The following CFAP97 variants were observed in gnomAD, a reference collection of about 807,000 sequenced individuals.
CFAP97 encodes cilia- and flagella-associated protein 97.
Under a neutral mutation model 43.1 loss-of-function variants are expected in CFAP97, and 36 were observed. The ratio of observed to expected loss-of-function variants is 0.84; its 90% CI spans 0.64 to 1.10. CFAP97 has a LOEUF of 1.10. Among genes scored for constraint, CFAP97 ranks in the 50% least tolerant of loss-of-function variants. CFAP97 has a pLI of 0.00. For synonymous variants in CFAP97, 228 were observed against 225.7 expected, an observed-to-expected ratio of 1.01 and a Z score of -0.09; for missense variants, 657 against 620.3, an observed-to-expected ratio of 1.06 and a Z score of -0.63.
intron 1 of CFAP97, among the ~76,000 whole-genome samples, chr4:185,191,552 C>T (rs1736255595): frequency 6.6e-6 from 1 of 152,132 alleles, no homozygotes. Context: ...AAGAAAAAGG[C>T]CGGGCGCGGT....
chr4:185,203,145 G>T (rs906752430), intron 1 of CFAP97, among the ~76,000 whole-genome samples: 5 of 151,672 alleles, frequency 3.3e-5, no homozygotes, highest in Non-Finnish European at 7.4e-5. Flanking sequence ...AGGCTGCAGT[G>T]AGACATGATC....
chr4:185,182,284 C>T (rs1735822672), intron 2 of CFAP97: 1 of 151,788 alleles, frequency 6.6e-6, no homozygotes, highest in South Asian at 2.1e-4. Context: ...TTTTAATGCC[C>T]TCTCTGCCTA....
In CFAP97 at chr4:185,162,590, T is replaced by A. The variant is rs1356913131; in HGVS notation, c.*208A>T. ...TTTCTCTATTAAGAACACATACATC[T>A]CATATAAATACATCCTCAGGAAACA... On this transcript the variant is annotated 3_prime_UTR_variant, in exon 5 of 5. Coordinates refer to ENST00000458385, the MANE Select transcript of CFAP97 (RefSeq NM_020827.3). 1.8e-6 allele frequency: 1 copy of A among 555,594 alleles called. No homozygotes were observed. The highest frequency in any genetic ancestry group is 1.9e-5 in the African/African-American group (1 of 51,752). The allele number at this position is 555,594 out of a possible 1,614,324, so 34.4% of individuals were successfully genotyped here.
At position 185,190,238 on chromosome 4, in the gene CFAP97, G is replaced by C; in HGVS notation, c.959C>G (p.Ser320Cys). ...GTCTAACACTGAAGACGACTTTGAG[G>C]AGACATCAGGCTCATGTTTTTCTTT... ...KGKEKHEPDV[S>C]SKSSSVLDSS... Residue 320 changes from serine (S) to cysteine (C), a missense_variant, in exon 2 of 5, where the codon TCC becomes TGC. Transcript: ENST00000458385. The C allele has an allele frequency of 1.9e-6, 3 of 1,613,600 alleles. No individual in the cohort carries two copies. Among genetic ancestry groups the C allele is most frequent in the Non-Finnish European group, 2.5e-6 (3 of 1,179,730 alleles).
In CFAP97 at chr4:185,190,742, G is replaced by C. The variant is rs61735028; in HGVS notation, c.455C>G (p.Ala152Gly). Residue 152 changes from alanine to glycine, a missense_variant, in exon 2 of 5, where the codon GCT becomes GGT. Coordinates refer to ENST00000458385, the MANE Select transcript of CFAP97 (RefSeq NM_020827.3). ...TTTTTTAACGTTAGTAGATGGTTTA[G>C]CGGACTTGGACTTCACATGGTATTT... ...GKKYHVKSKSAKPSTNVKKSI... is the reference protein window; with the variant it reads ...GKKYHVKSKSGKPSTNVKKSI... The C allele has an allele frequency of 1.1e-5, 18 of 1,586,588 alleles. No individual in the cohort carries two copies. The highest frequency in any genetic ancestry group is 1.7e-4 in the Middle Eastern group (1 of 6,038).
intron 1 of CFAP97, among the ~76,000 whole-genome samples, chr4:185,202,161 C>G (rs1408110042): frequency 6.6e-6 from 1 of 152,120 alleles, no homozygotes; most frequent in Admixed American, 6.5e-5. Context: ...ATGTTTATCC[C>G]ACAAAGGAGT....
rs2071430925 is a variant in CFAP97 at position 185,161,640 on chromosome 4, C to T, written c.*1158G>A. 6.6e-6 allele frequency: 1 copy of T among 152,112 alleles called. No individual in the cohort carries two copies. The highest frequency in any genetic ancestry group is 1.5e-5 in the Non-Finnish European group (1 of 68,024). The allele number at this position is 152,112 out of a possible 1,614,324, so 9.4% of individuals were successfully genotyped here. On this transcript the variant is annotated 3_prime_UTR_variant, in exon 5 of 5. Transcript: ENST00000458385. ...TTTGAAAAGTCAACAACATTAAACC[C>T]TATCTGCCATTACCAATTCCATCAA...
At chr4:185,176,521 C>T (rs528266918) in intron 2 of CFAP97, among the ~76,000 whole-genome samples, 1 of 152,232 alleles carries the variant, frequency 6.6e-6, no homozygotes, top group South Asian at 2.1e-4. Flanking sequence ...AAAAATTGGA[C>T]GTAGCTTAGT....
At chr4:185,184,712 T>A (rs1243549273) in intron 2 of CFAP97, among the ~76,000 whole-genome samples, 3 of 152,220 alleles carry the variant, frequency 2.0e-5, no homozygotes, top group Non-Finnish European at 4.4e-5. Context: ...TCATTCGGAA[T>A]TCCCTTCTTG....
intron 1 of CFAP97, among the ~76,000 whole-genome samples, chr4:185,199,171 G>A (rs1269965163): frequency 1.3e-5 from 2 of 151,932 alleles, no homozygotes; most frequent in Non-Finnish European, 2.9e-5. Flanking sequence ...CCAGGAGATG[G>A]AGACCAGCCT....
intron 3 of CFAP97, among the ~76,000 whole-genome samples, chr4:185,173,236 G>A (rs1448019618): frequency 2.0e-5 from 3 of 151,778 alleles, no homozygotes; most frequent in African/African-American, 7.3e-5. Context: ...GGTAGCAGGC[G>A]CCTGCAGTCC....
At chr4:185,196,298 C>T (rs1398780273) in intron 1 of CFAP97, among the ~76,000 whole-genome samples, 1 of 151,944 alleles carries the variant, frequency 6.6e-6, no homozygotes, top group African/African-American at 2.4e-5. Context: ...CATGATGAAA[C>T]CCTGTCTCTA....
intron 1 of CFAP97, among the ~76,000 whole-genome samples, chr4:185,200,890 AAGT>A (rs1209151803): frequency 6.6e-6 from 1 of 152,260 alleles, no homozygotes; most frequent in African/African-American, 2.4e-5. Flanking sequence ...TGAGCAAAGA[AAGT>A]AGTTTCTTGA....
upstream of CFAP97, among the ~76,000 whole-genome samples, chr4:185,206,942 C>T (rs1386409459): frequency 3.9e-5 from 6 of 152,144 alleles, no homozygotes; most frequent in African/African-American, 1.4e-4. Flanking sequence ...GCTAGTGTAA[C>T]CTGGAGTCTC....
chr4:185,198,789 C>CAAA (rs58603330), intron 1 of CFAP97, among the ~76,000 whole-genome samples: 2 of 124,318 alleles, frequency 1.6e-5, no homozygotes, highest in African/African-American at 2.9e-5. Context: ...AACTCCATCT[C>CAAA]AAAAAAAAGA....
At chr4:185,183,775 A>G (rs1441187693) in intron 2 of CFAP97, among the ~76,000 whole-genome samples, 1 of 152,150 alleles carries the variant, frequency 6.6e-6, no homozygotes, top group Non-Finnish European at 1.5e-5. Flanking sequence ...CAACTGGCAA[A>G]ATGCCATGTT....
In CFAP97 at chr4:185,191,156, T is replaced by C. The variant is rs1259798843; in HGVS notation, c.41A>G (p.His14Arg). The C allele has an allele frequency of 3.1e-5, 50 of 1,602,610 alleles. No homozygotes were observed. Among genetic ancestry groups the C allele is most frequent in the Non-Finnish European group, 4.2e-5 (49 of 1,176,052 alleles). Residue 14 changes from histidine (H) to arginine (R), a missense_variant, in exon 2 of 5, where the codon CAT becomes CGT. Transcript: ENST00000458385. Reference protein sequence around the residue: ...FGDILEGEVDHSFFDSDFEEG... With the variant: ...FGDILEGEVDRSFFDSDFEEG... Reference sequence around the variant, plus strand: ...TTCAAAGTCACTGTCAAAGAAAGAATGGTCCACTTCACCTTCTAATATATC... The same window carrying C: ...TTCAAAGTCACTGTCAAAGAAAGAACGGTCCACTTCACCTTCTAATATATC...
intron 1 of CFAP97, among the ~76,000 whole-genome samples, chr4:185,201,300 C>G (rs1419086362): frequency 7.7e-6 from 1 of 130,708 alleles, no homozygotes; most frequent in Non-Finnish European, 1.5e-5. Context: ...CACTCCAGCC[C>G]AGGCGACAGA....
intron 3 of CFAP97, among the ~76,000 whole-genome samples, chr4:185,171,696 G>A: frequency 6.6e-6 from 1 of 152,160 alleles, no homozygotes; most frequent in South Asian, 2.1e-4. Context: ...TGAAAAGAAA[G>A]AGATATGGTT....
Sources: gnomAD v4.1 joint callset for allele counts (sites outside exome capture counted in the v4.1 genomes callset) on GRCh38, gnomAD v4.1.1 for gene constraint, MANE v1.5 for transcripts, NCBI Gene and HGNC (gene_info 2026-07-23, HGNC 2026-07-21) for gene names.